The following INTU variants were observed in gnomAD, a reference collection of about 807,000 sequenced individuals.
INTU encodes the protein inturned planar cell polarity protein.
A neutral mutation model predicts 100.5 loss-of-function variants in INTU; 68 were observed. The ratio of observed to expected loss-of-function variants is 0.68; its 90% CI spans 0.56 to 0.83. The LOEUF is 0.83. Among genes scored for constraint, INTU ranks in the 40% least tolerant of loss-of-function variants. The pLI, the probability that INTU is intolerant of heterozygous loss-of-function variation, is 0.00. For synonymous variants in INTU, 357 were observed against 395.7 expected (o/e 0.90, Z 1.16); for missense variants, 1,071 against 1,114.7 (o/e 0.96, Z 0.56).
At chr4:127,707,500 A>G (rs1730938210) in intron 12 of INTU, among the ~76,000 whole-genome samples, 1 of 151,992 alleles carries the variant, frequency 6.6e-6, no homozygotes, top group African/African-American at 2.4e-5. Context: ...TTTAATCTCA[A>G]TTTCCGTGTT....
At chr4:127,698,360 G>T (rs1730490740) in intron 8 of INTU, among the ~76,000 whole-genome samples, 1 of 151,912 alleles carries the variant, frequency 6.6e-6, no homozygotes, top group Admixed American at 6.6e-5. Context: ...TACTCGGGAG[G>T]CAGAGGCAGG....
In INTU at chr4:127,720,197, T is replaced by C. The variant is rs578080721; in HGVS notation, c.*3761T>C. 13 of 152,316 alleles carry C rather than the reference T, an allele frequency of 8.5e-5. No individual in the cohort carries two copies. The highest frequency in any genetic ancestry group is 6.8e-3 in the Middle Eastern group (2 of 294). The allele number at this position is 152,316 out of a possible 1,614,324, so 9.4% of individuals were successfully genotyped here. A position where few individuals can be genotyped will look rare whatever the true frequency, so the allele number is the denominator to read the frequency against. On this transcript the variant is annotated 3_prime_UTR_variant, in exon 16 of 16. Transcript: ENST00000335251. ...ACATTGTCTCTTTGTTTTCATTGGT[T>C]TCAAAGAACTTCTTGATTTCTCTCT...
intron 5 of INTU, among the ~76,000 whole-genome samples, 157 bp from the exon 6 acceptor site, chr4:127,673,967 T>C (rs1310261438): frequency 1.3e-5 from 2 of 151,994 alleles, no homozygotes; most frequent in Non-Finnish European, 2.9e-5. Flanking sequence ...TGTCATATAA[T>C]TCCTTGCGTT....
At chr4:127,662,097 G>A (rs191104477) in intron 3 of INTU, among the ~76,000 whole-genome samples, 1 of 152,146 alleles carries the variant, frequency 6.6e-6, no homozygotes, top group East Asian at 1.9e-4. Flanking sequence ...TTTGACAAAT[G>A]TCTGTTCAAG....
intron 8 of INTU, among the ~76,000 whole-genome samples, chr4:127,696,229 T>G (rs1730376402): frequency 6.6e-6 from 1 of 152,210 alleles, no homozygotes; most frequent in African/African-American, 2.4e-5. Flanking sequence ...TTAGGAAGTA[T>G]TCCCTCTGTT....
At chr4:127,709,497 CTGAG>C (rs1731013485) in intron 13 of INTU, among the ~76,000 whole-genome samples, 1 of 152,112 alleles carries the variant, frequency 6.6e-6, no homozygotes. Context: ...GTAAAAGAAA[CTGAG>C]TGAGGAGAGA....
In INTU at chr4:127,725,908, A is replaced by C. The variant is rs765066018; in HGVS notation, c.*9472A>C. 1.1e-4 allele frequency: 16 copies of C among 152,320 alleles called. No homozygotes were observed. Among genetic ancestry groups the C allele is most frequent in the South Asian group, 8.3e-4 (4 of 4,828 alleles). 9.4% of individuals were successfully genotyped at this position (152,320 alleles called of 1,614,324 possible). ...AACATCAAACTGATTATCAGACAATAAAGTGCCTGTTACTTTATTAAATAA... is the reference window on the plus strand; with the variant it reads ...AACATCAAACTGATTATCAGACAATCAAGTGCCTGTTACTTTATTAAATAA... On this transcript the variant is annotated 3_prime_UTR_variant, in exon 16 of 16. Coordinates refer to ENST00000335251, the MANE Select transcript of INTU (RefSeq NM_015693.4).
At chr4:127,710,566 A>G (rs1355457193) in intron 13 of INTU, among the ~76,000 whole-genome samples, 1 of 152,192 alleles carries the variant, frequency 6.6e-6, no homozygotes, top group African/African-American at 2.4e-5. Flanking sequence ...TGGGCCAGAC[A>G]CGAGCTGAAT....
At chr4:127,660,296 G>T (rs1354128687) in intron 3 of INTU, among the ~76,000 whole-genome samples, 1 of 152,138 alleles carries the variant, frequency 6.6e-6, no homozygotes, top group Non-Finnish European at 1.5e-5. Flanking sequence ...CAGTGAGGTG[G>T]CCCAAGAAGA....
chr4:127,667,545 CA>C (rs1200933099), intron 4 of INTU, among the ~76,000 whole-genome samples: 2 of 151,946 alleles, frequency 1.3e-5, no homozygotes, highest in African/African-American at 2.4e-5. Context: ...CACAAGATTT[CA>C]AAATGTAAAG....
intron 1 of INTU, among the ~76,000 whole-genome samples, chr4:127,638,985 T>C (rs1343514576): frequency 1.3e-5 from 2 of 152,176 alleles, no homozygotes; most frequent in African/African-American, 4.8e-5. Flanking sequence ...CCATTAATTT[T>C]CTTTTTATTT....
At chr4:127,684,608 CT>C in intron 7 of INTU, 122 bp downstream of exon 7, 1 of 552,676 alleles carries the variant, frequency 1.8e-6, no homozygotes, top group Non-Finnish European at 3.1e-6. Flanking sequence ...TCCCTCCCCT[CT>C]TTCCTCCTCC....
chr4:127,693,763 C>T (rs777847617), intron 8 of INTU, among the ~76,000 whole-genome samples: 26 of 151,854 alleles, frequency 1.7e-4, no homozygotes, highest in Non-Finnish European at 8.8e-5. Flanking sequence ...GCTGATTTTG[C>T]TGAGGGTTTT....
At chr4:127,666,040 G>C (rs987612269) in intron 4 of INTU, among the ~76,000 whole-genome samples, 1 of 152,046 alleles carries the variant, frequency 6.6e-6, no homozygotes, top group African/African-American at 2.4e-5. Context: ...TCATTCCTTT[G>C]TAAGGAATAT....
chr4:127,687,500 CA>C, intron 7 of INTU, 177 bp from the exon 8 acceptor site: 1 of 455,154 alleles, frequency 2.2e-6, no homozygotes, highest in East Asian at 3.5e-5. Flanking sequence ...AAAGTTTGGA[CA>C]GGGTAAATTT....
intron 7 of INTU, chr4:127,686,481 G>T (rs547811658): frequency 6.6e-6 from 1 of 152,278 alleles, no homozygotes; most frequent in South Asian, 2.1e-4. Flanking sequence ...TCTGACTTCA[G>T]ATATCAAACC....
At chr4:127,673,325 G>A (rs75450969) in intron 5 of INTU, among the ~76,000 whole-genome samples, 2,638 of 150,480 alleles carry the variant, frequency 0.018, 67 homozygotes, top group African/African-American at 0.061. Flanking sequence ...GGGACTACAG[G>A]ACCACTCCAC....
At chr4:127,674,436 A>C (rs1729079946) in intron 6 of INTU, among the ~76,000 whole-genome samples, 1 of 152,208 alleles carries the variant, frequency 6.6e-6, no homozygotes, top group African/African-American at 2.4e-5. Flanking sequence ...TGGGGCTGTC[A>C]ATACACTTGC....
In INTU at chr4:127,693,173, A is replaced by G. The variant is rs201716323; in HGVS notation, c.1449+5306A>G. Among the ~76,000 whole-genome samples, 24 of 152,246 alleles carry G rather than the reference A, an allele frequency of 1.6e-4. No individual in the cohort carries two copies. In the East Asian group the frequency reaches 2.7e-3, roughly 17 times the overall value. ...GAATTTGTAGATTGCTTTTGGCAGT[A>G]TGGCCATTTTCACAATATTGATTCT... On this transcript the variant is annotated intron_variant, in intron 8 of 15. Coordinates refer to ENST00000335251, the MANE Select transcript of INTU (RefSeq NM_015693.4).
Sources: gnomAD v4.1 joint callset for allele counts (sites outside exome capture counted in the v4.1 genomes callset) on GRCh38, gnomAD v4.1.1 for gene constraint, MANE v1.5 for transcripts, NCBI Gene and HGNC (gene_info 2026-07-23, HGNC 2026-07-21) for gene names.